PFKFB2: variants seen among roughly 807,000 people sequenced by gnomAD.
The protein encoded by PFKFB2 is 6-phosphofructo-2-kinase/fructose-2,6-biphosphatase 2, also known as 6-phosphofructo-2-kinase/fructose-2,6-bisphosphatase 2.
A neutral mutation model predicts 68.0 loss-of-function variants in PFKFB2; 53 were observed. That is an observed-to-expected ratio of 0.78 (90% CI 0.63 to 0.98). PFKFB2 has a LOEUF of 0.98. Ranked by LOEUF, PFKFB2 falls within the 50% of genes least tolerant of loss-of-function variation. PFKFB2 has a pLI of 0.00. For synonymous variants in PFKFB2, 222 were observed against 227.6 expected, an observed-to-expected ratio of 0.98 and a Z score of 0.22; for missense variants, 451 against 642.0, an observed-to-expected ratio of 0.70 and a Z score of 3.22.
At chr1:207,041,651 G>T (rs1181107355) in intron 1 of PFKFB2, among the ~76,000 whole-genome samples, 2 of 152,184 alleles carry the variant, frequency 1.3e-5, no homozygotes, top group African/African-American at 4.8e-5. Flanking sequence ...CGTTTGGGTT[G>T]GTTCCAAGTC....
Position 207,073,446 on chromosome 1 carries a change from G to A in PFKFB2, c.*1075G>A, listed in dbSNP as rs1327432988. The stretch of plus-strand genomic sequence containing the variant: ...GATGTTTGAGTTGCTCAAGGCAAGA[G>A]GCAGAGAAGAGTTCACTAAAACTGC... On this transcript the variant is annotated 3_prime_UTR_variant, in exon 15 of 15. Transcript: ENST00000367080. The A allele has an allele frequency of 1.3e-5, 13 of 985,328 alleles. No individual in the cohort carries two copies. Among genetic ancestry groups the A allele is most frequent in the Non-Finnish European group, 1.6e-5 (13 of 829,930 alleles). 61.0% of individuals were successfully genotyped at this position (985,328 alleles called of 1,614,324 possible).
chr1:207,075,263 G>T lies in PFKFB2; in HGVS notation c.*2892G>T, dbSNP rs975908849. 5 of 985,306 alleles carry T rather than the reference G, an allele frequency of 5.1e-6. No individual in the cohort carries two copies. The highest frequency in any genetic ancestry group is 1.7e-5 in the African/African-American group (1 of 57,224). 61.0% of individuals were successfully genotyped at this position (985,306 alleles called of 1,614,324 possible). On this transcript the variant is annotated 3_prime_UTR_variant, in exon 15 of 15. Transcript: ENST00000367080. Reference sequence around the variant, plus strand: ...TCCCCACTCTCACCTGTGCTAGTTCGCTTTCTCCAGAAGAGGAGCTGAGGT... The same window carrying T: ...TCCCCACTCTCACCTGTGCTAGTTCTCTTTCTCCAGAAGAGGAGCTGAGGT...
At position 207,054,801 on chromosome 1, in the gene PFKFB2, T is replaced by C. The variant is rs753636718; in HGVS notation, c.84T>C (p.Cys28=). The C allele has an allele frequency of 1.2e-5, 19 of 1,609,276 alleles. No individual in the cohort carries two copies. Among genetic ancestry groups the C allele is most frequent in the Non-Finnish European group, 1.6e-5 (19 of 1,176,410 alleles). ...TPNLRMSEKK[C]SWASYMTNSP... ...ATCTTCGAATGTCAGAGAAGAAATG[T>C]TGTGAGTTCTGGCAGAGAGGAGGGA... is the stretch of plus-strand genomic sequence containing the variant. Residue 28 remains cysteine (C), a splice_region_variant and synonymous_variant, in exon 2 of 15, where the codon TGT becomes TGC. Transcript: ENST00000367080.
upstream of PFKFB2, chr1:207,052,125 G>A: frequency 6.7e-7 from 1 of 1,483,370 alleles, no homozygotes; most frequent in Non-Finnish European, 9.4e-7. Flanking sequence ...GGTTTATCAA[G>A]CATCAAACGG....
At position 207,074,580 on chromosome 1, in the gene PFKFB2, C is replaced by G. The variant is rs980965968; in HGVS notation, c.*2209C>G. The G allele has an allele frequency of 1.9e-5, 19 of 985,302 alleles. No homozygotes were observed. Among genetic ancestry groups the G allele is most frequent in the Non-Finnish European group, 2.0e-5 (17 of 829,936 alleles). The allele number at this position is 985,302 out of a possible 1,614,324, so 61.0% of individuals were successfully genotyped here. A position where few individuals can be genotyped will look rare whatever the true frequency, so the allele number is the denominator to read the frequency against. ...GGATACCATAGGCAGCTTCTAAAGG[C>G]TGCTTACCTAGATTCTTCTCAAAAT... On this transcript the variant is annotated 3_prime_UTR_variant, in exon 15 of 15. Coordinates refer to ENST00000367080, the MANE Select transcript of PFKFB2 (RefSeq NM_006212.2).
At chr1:207,057,402 C>G (rs979332684) in intron 2 of PFKFB2, among the ~76,000 whole-genome samples, 3 of 149,538 alleles carry the variant, frequency 2.0e-5, no homozygotes, top group African/African-American at 7.4e-5. Context: ...GGCTTGAACC[C>G]GGGAGGCGGA....
chr1:207,047,656 T>C (rs531334003), intron 2 of PFKFB2: 2 of 152,772 alleles, frequency 1.3e-5, no homozygotes, highest in South Asian at 4.1e-4. Flanking sequence ...ATCTGGAAGA[T>C]CTTGTAGTGA....
At chr1:207,048,979 ATG>A (rs549808372), upstream of PFKFB2, 91 of 1,555,618 alleles carry the variant, frequency 5.8e-5, 1 homozygote, top group South Asian at 1.0e-3. Flanking sequence ...AGCCTTCTGG[ATG>A]TGTGAGGTAG....
At chr1:207,052,354 A>G, upstream of PFKFB2, 1 of 843,620 alleles carries the variant, frequency 1.2e-6, no homozygotes, top group Non-Finnish European at 1.9e-6. Flanking sequence ...GAGGGAAGGT[A>G]GGAGTGGTTA....
intron 3 of PFKFB2, 23 bp from the exon 4 acceptor site, chr1:207,062,597 A>C (rs776499998): frequency 6.2e-7 from 1 of 1,608,396 alleles, no homozygotes; most frequent in Non-Finnish European, 8.5e-7. Flanking sequence ...TTTGCTGCTG[A>C]AGGATTTGGG....
intron 2 of PFKFB2, chr1:207,046,291 T>C (rs1682600094): frequency 6.6e-6 from 1 of 152,046 alleles, no homozygotes; most frequent in Non-Finnish European, 1.5e-5. Flanking sequence ...CTCCTGAAAG[T>C]TGTAAGTCCA....
At position 207,054,921 on chromosome 1, in the gene PFKFB2, T is replaced by C. The variant is rs1682876309; in HGVS notation, c.85+119T>C. On this transcript the variant is annotated intron_variant, in intron 2 of 14. Transcript: ENST00000367080. ...ATAAATAATTATTTGACATGGAAAT[T>C]TAATGCAAAGTCTCCAGGGTAGAAT... The C allele has an allele frequency of 4.2e-6, 3 of 713,830 alleles. No homozygotes were observed. In the East Asian group the frequency reaches 8.3e-5, roughly 20 times the overall value. 44.2% of individuals were successfully genotyped at this position (713,830 alleles called of 1,614,324 possible).
chr1:207,061,129 C>CTTTATATATA (rs1348006751), intron 2 of PFKFB2, among the ~76,000 whole-genome samples: 11,019 of 66,862 alleles, frequency 0.16, 1,681 homozygotes, highest in Non-Finnish European at 0.22. Context: ...TTATATATAT[C>CTTTATATATA]TTTATATATA....
chr1:207,048,957 T>C (rs1682663942), upstream of PFKFB2: 3 of 1,465,864 alleles, frequency 2.0e-6, no homozygotes, highest in South Asian at 1.3e-5. Context: ...CATAGCTTAT[T>C]GGAAAACCCA....
upstream of PFKFB2, chr1:207,049,606 A>G (rs1396690912): frequency 6.2e-7 from 1 of 1,614,082 alleles, no homozygotes; most frequent in African/African-American, 1.3e-5. Flanking sequence ...GTCTGCTGGG[A>G]CCACGGTTCT....
In PFKFB2 at chr1:207,076,736, C is replaced by G. The variant is rs887234811; in HGVS notation, c.*4365C>G. 12 of 961,272 alleles carry G rather than the reference C, an allele frequency of 1.2e-5. No individual in the cohort carries two copies. Among genetic ancestry groups the G allele is most frequent in the Non-Finnish European group, 1.5e-5 (12 of 820,610 alleles). 59.5% of individuals were successfully genotyped at this position (961,272 alleles called of 1,614,324 possible). On this transcript the variant is annotated 3_prime_UTR_variant, in exon 15 of 15. Coordinates refer to ENST00000367080, the MANE Select transcript of PFKFB2 (RefSeq NM_006212.2). Reference sequence around the variant, plus strand: ...AGGAGGATCTGTGTGCTGATTGACTCTAGTAGGATCTGTTTGTCACTGACA... The same window carrying G: ...AGGAGGATCTGTGTGCTGATTGACTGTAGTAGGATCTGTTTGTCACTGACA...
intron 1 of PFKFB2, among the ~76,000 whole-genome samples, chr1:207,037,205 C>G (rs1682393061): frequency 6.6e-6 from 1 of 152,190 alleles, no homozygotes; most frequent in South Asian, 2.1e-4. Context: ...TCTTGTCTTT[C>G]TATAACATCC....
At chr1:207,069,577 GTTTAAC>G in intron 11 of PFKFB2, 49 bp downstream of exon 11, 1 of 1,191,822 alleles carries the variant, frequency 8.4e-7, no homozygotes, top group Non-Finnish European at 1.3e-6. Flanking sequence ...CTTGCTGAGT[GTTTAAC>G]TTTAATTTGG....
chr1:207,072,889 G>A lies in PFKFB2; in HGVS notation c.*518G>A, dbSNP rs1032458105. 1 of 987,206 alleles carries A rather than the reference G, an allele frequency of 1.0e-6. No individual in the cohort carries two copies. The highest frequency in any genetic ancestry group is 1.7e-5 in the African/African-American group (1 of 57,254). The allele number at this position is 987,206 out of a possible 1,614,324, so 61.2% of individuals were successfully genotyped here. On this transcript the variant is annotated 3_prime_UTR_variant, in exon 15 of 15. Transcript: ENST00000367080. The stretch of plus-strand genomic sequence containing the variant: ...TTTCATGTCCCCTCTGGATTGTCCA[G>A]TGTAATGCATGGCATTGTGGTGTCT...
Sources: allele counts gnomAD v4.1 joint callset (sites outside exome capture counted in the v4.1 genomes callset), GRCh38; gene constraint gnomAD v4.1.1; transcripts MANE v1.5; gene names NCBI Gene and HGNC (gene_info 2026-07-23, HGNC 2026-07-21).